BCHE: variants seen among roughly 807,000 people sequenced by gnomAD.
BCHE encodes the protein cholinesterase.
A neutral mutation model predicts 51.3 loss-of-function variants in BCHE; 48 were observed. That is an observed-to-expected ratio of 0.94 (90% confidence interval 0.74 to 1.19). BCHE has a LOEUF of 1.19. BCHE is among the 50% of genes most tolerant of loss of function. The pLI is 0.00. For missense variants in BCHE, 847 were observed against 708.2 expected (o/e 1.20, Z -2.23); for synonymous variants, 251 against 238.0 (o/e 1.05, Z -0.50).
chr3:165,831,356 CTA>C (rs1366632056), intron 1 of BCHE, among the ~76,000 whole-genome samples: 2 of 152,090 alleles, frequency 1.3e-5, no homozygotes, highest in African/African-American at 4.8e-5. Context: ...TTACTTCTGA[CTA>C]TATGTACAGC....
chr3:165,828,834 C>G (rs530059827), intron 2 of BCHE, among the ~76,000 whole-genome samples: 68 of 151,994 alleles, frequency 4.5e-4, no homozygotes, highest in African/African-American at 1.6e-3. Context: ...TATCACAATA[C>G]TTATAATATA....
At chr3:165,780,612 A>G (rs186420992) in intron 3 of BCHE, among the ~76,000 whole-genome samples, 3 of 152,326 alleles carry the variant, frequency 2.0e-5, no homozygotes, top group East Asian at 1.9e-4. Flanking sequence ...ATACGAACAG[A>G]CACTTCTCAA....
intron 3 of BCHE, among the ~76,000 whole-genome samples, chr3:165,777,301 G>T (rs1297190339): frequency 6.6e-6 from 1 of 151,872 alleles, no homozygotes; most frequent in East Asian, 1.9e-4. Flanking sequence ...TAAAACATAT[G>T]TAACCTTAGA....
intron 2 of BCHE, among the ~76,000 whole-genome samples, chr3:165,809,490 A>G (rs1294746754): frequency 6.6e-6 from 1 of 152,100 alleles, no homozygotes; most frequent in Non-Finnish European, 1.5e-5. Flanking sequence ...AGGATGAATG[A>G]GCAGATTTTA....
At chr3:165,810,811 T>C (rs1428955177) in intron 2 of BCHE, among the ~76,000 whole-genome samples, 2 of 152,154 alleles carry the variant, frequency 1.3e-5, no homozygotes, top group Non-Finnish European at 2.9e-5. Flanking sequence ...TTTAGTATAC[T>C]GTTAAATGAA....
chr3:165,791,988 T>TAAAAC (rs372410356), intron 2 of BCHE, among the ~76,000 whole-genome samples: 11 of 151,398 alleles, frequency 7.3e-5, no homozygotes, highest in African/African-American at 9.7e-5. Context: ...TAAAATAAAA[T>TAAAAC]AAAGAGTTCA....
chr3:165,835,135 G>A (rs1464241219), intron 1 of BCHE, among the ~76,000 whole-genome samples: 1 of 151,602 alleles, frequency 6.6e-6, no homozygotes, highest in Non-Finnish European at 1.5e-5. Flanking sequence ...AAATTTACTG[G>A]CAATTTTTGA....
intron 1 of BCHE, among the ~76,000 whole-genome samples, chr3:165,833,880 A>T (rs1357308227): frequency 6.6e-6 from 1 of 152,116 alleles, no homozygotes; most frequent in Non-Finnish European, 1.5e-5. Context: ...CTGCAATTTA[A>T]TAAATTAATT....
chr3:165,826,159 A>G (rs1714712748), intron 2 of BCHE, among the ~76,000 whole-genome samples: 1 of 152,168 alleles, frequency 6.6e-6, no homozygotes. Context: ...ACTCAAAATA[A>G]GAGAAAAAAA....
intron 2 of BCHE, among the ~76,000 whole-genome samples, chr3:165,825,788 T>C (rs751149862): frequency 2.0e-5 from 3 of 152,116 alleles, no homozygotes; most frequent in Middle Eastern, 3.4e-3. Flanking sequence ...CACCTATGAA[T>C]ATAAGAATTC....
Position 165,830,460 on chromosome 3 carries a change from C to T in BCHE, c.574G>A (p.Gly192Arg). The T allele has an allele frequency of 6.2e-7, 1 of 1,613,710 alleles. No individual in the cohort carries two copies. The highest frequency in any genetic ancestry group is 8.5e-7 in the Non-Finnish European group (1 of 1,179,858). The part of the protein sequence containing the change: ...LALPGNPEAP[G>R]NMGLFDQQLA... Reference sequence around the variant, plus strand: ...TGTTGATCAAATAAACCCATGTTCCCTGGAGCCTCAGGATTTCCTGGCAAA... The same window carrying T: ...TGTTGATCAAATAAACCCATGTTCCTTGGAGCCTCAGGATTTCCTGGCAAA... Residue 192 changes from glycine to arginine, a missense_variant, in exon 2 of 4, where the codon GGG becomes AGG. By Grantham distance (125) the Gly-to-Arg change is moderately radical (BLOSUM62 -2). Coordinates refer to ENST00000264381, the MANE Select transcript of BCHE (RefSeq NM_000055.4).
At position 165,829,892 on chromosome 3, in the gene BCHE, C is replaced by A. The variant is rs373114728; in HGVS notation, c.1142G>T (p.Gly381Val). The change falls in exon 2 of 4, where the codon GGT becomes GTT. Residue 381 changes from glycine (G) to valine (V), a missense_variant. Transcript: ENST00000264381. ...SIITRKEFQE[G>V]LKIFFPGVSE... The stretch of plus-strand genomic sequence containing the variant: ...CACTCCTGGAAAAAATATTTTTAAA[C>A]CTTCCTGAAATTCTTTTCTAGTTAT... 1.9e-5 allele frequency: 30 copies of A among 1,611,092 alleles called. No individual in the cohort carries two copies. The highest frequency in any genetic ancestry group is 2.4e-5 in the Non-Finnish European group (28 of 1,179,256).
intron 3 of BCHE, chr3:165,777,787 C>G (rs751579980): frequency 4.4e-6 from 2 of 453,700 alleles, no homozygotes; most frequent in Non-Finnish European, 8.9e-6. Context: ...CCTCCTCCTA[C>G]TCCTCAGCCT....
intron 2 of BCHE, among the ~76,000 whole-genome samples, chr3:165,788,347 G>A (rs910732330): frequency 6.6e-5 from 10 of 151,950 alleles, no homozygotes; most frequent in Non-Finnish European, 1.5e-4. Context: ...ATTTTATGGA[G>A]GAATTGGATA....
chr3:165,828,967 G>A (rs1399014256), intron 2 of BCHE, among the ~76,000 whole-genome samples: 1 of 151,952 alleles, frequency 6.6e-6, no homozygotes, highest in Non-Finnish European at 1.5e-5. Context: ...CCTCAAATCT[G>A]ATCAGGCCTA....
At chr3:165,786,465 G>A (rs1273474033) in intron 2 of BCHE, among the ~76,000 whole-genome samples, 154 bp from the exon 3 acceptor site, 1 of 151,782 alleles carries the variant, frequency 6.6e-6, no homozygotes, top group African/African-American at 2.4e-5. Flanking sequence ...TGTGAACTGG[G>A]CTTAGTGGTT....
At chr3:165,807,604 TG>T (rs1713916202) in intron 2 of BCHE, among the ~76,000 whole-genome samples, 1 of 151,984 alleles carries the variant, frequency 6.6e-6, no homozygotes, top group Non-Finnish European at 1.5e-5. Flanking sequence ...CAGGCTGGAG[TG>T]CAGTGGCATG....
At chr3:165,790,288 TAG>T (rs961152324) in intron 2 of BCHE, among the ~76,000 whole-genome samples, 7 of 152,078 alleles carry the variant, frequency 4.6e-5, no homozygotes, top group African/African-American at 1.7e-4. Flanking sequence ...CAATAAAAAC[TAG>T]AGATACAGGT....
At chr3:165,785,799 G>A (rs1368705318) in intron 3 of BCHE, among the ~76,000 whole-genome samples, 1 of 151,132 alleles carries the variant, frequency 6.6e-6, no homozygotes, top group Non-Finnish European at 1.5e-5. Flanking sequence ...ATGATTATTT[G>A]ATATATTTAT....
Sources: gnomAD v4.1 joint callset for allele counts (sites outside exome capture counted in the v4.1 genomes callset) on GRCh38, gnomAD v4.1.1 for gene constraint, MANE v1.5 for transcripts, NCBI Gene and HGNC (gene_info 2026-07-23, HGNC 2026-07-21) for gene names.